Variants in SESTD1 observed in about 807,000 individuals in gnomAD.
SESTD1 encodes SEC14 domain and spectrin repeat-containing protein 1.
SESTD1 carries 43 observed loss-of-function variants against 101.7 expected under a neutral mutation model. The observed-to-expected ratio is 0.42, with a 90% CI of 0.33 to 0.55. The LOEUF is 0.55. SESTD1 is among the 20% of genes least tolerant of loss of function. SESTD1 has a pLI of 0.07. For synonymous variants in SESTD1, 283 were observed against 286.8 expected (o/e 0.99, Z 0.13); for missense variants, 647 against 815.1 (o/e 0.79, Z 2.51).
chr2:179,159,529 G>A (rs2045693776), intron 5 of SESTD1, among the ~76,000 whole-genome samples: 1 of 152,166 alleles, frequency 6.6e-6, no homozygotes, highest in Non-Finnish European at 1.5e-5. Flanking sequence ...AAACTGTGTA[G>A]AGATTTCTAG....
intron 17 of SESTD1, among the ~76,000 whole-genome samples, chr2:179,110,699 CAGG>C (rs1178684937): frequency 2.0e-5 from 3 of 151,966 alleles, no homozygotes; most frequent in African/African-American, 4.8e-5. Context: ...TTTATTTTAC[CAGG>C]AGAAGGTATA....
At position 179,239,454 on chromosome 2, in the gene SESTD1, T is replaced by G. The variant is rs539974786; in HGVS notation, c.-26+25045A>C. 6.9e-4 allele frequency among the ~76,000 whole-genome samples: 105 copies of G among 152,290 alleles called. 1 individual carries two copies. Among genetic ancestry groups the G allele is most frequent in the South Asian group, 2.1e-3 (10 of 4,832 alleles). ...AGTATAAAGTTAAAAGCTGCACAGC[T>G]GGAAGCATTCTGGGAAAGAACTTTA... is the stretch of plus-strand genomic sequence containing the variant. On this transcript the variant is annotated intron_variant, in intron 1 of 17. Transcript: ENST00000428443.
chr2:179,183,833 GGA>G (rs368416135), intron 2 of SESTD1, among the ~76,000 whole-genome samples: 60 of 141,324 alleles, frequency 4.2e-4, no homozygotes, highest in East Asian at 1.0e-3. Flanking sequence ...AGAAAAGAAA[GGA>G]GAGAGAGAGA....
chr2:179,199,564 C>A (rs1414837321), intron 1 of SESTD1, among the ~76,000 whole-genome samples: 1 of 152,120 alleles, frequency 6.6e-6, no homozygotes, highest in Non-Finnish European at 1.5e-5. Context: ...CAATAAAATA[C>A]TGGCAAACTG....
chr2:179,121,726 ATT>A (rs1378282978), intron 13 of SESTD1, 42 bp downstream of exon 13: 1 of 1,484,810 alleles, frequency 6.7e-7, no homozygotes, highest in Admixed American at 2.3e-5. Context: ...TTTAACTAAT[ATT>A]GTTATTATTT....
intron 2 of SESTD1, among the ~76,000 whole-genome samples, chr2:179,187,086 T>C (rs2046243510): frequency 6.6e-6 from 1 of 152,162 alleles, no homozygotes; most frequent in Non-Finnish European, 1.5e-5. Flanking sequence ...AGGGAATTCA[T>C]TACCACTAGA....
intron 12 of SESTD1, 80 bp downstream of exon 12, chr2:179,123,635 T>A: frequency 1.1e-6 from 1 of 896,722 alleles, no homozygotes; most frequent in Non-Finnish European, 1.7e-6. Context: ...TCAGTGTAAG[T>A]TGACTTAATT....
rs1245952886 is a variant in SESTD1, at chr2:179,203,048, C to G, written c.-25-11182G>C. ...AGAGGGGGTGGGGGAGATGTGGAGTCCTGATAAGTAAGCAACAACAAGGAA... is the reference window on the plus strand; with the variant it reads ...AGAGGGGGTGGGGGAGATGTGGAGTGCTGATAAGTAAGCAACAACAAGGAA... On this transcript the variant is annotated intron_variant, in intron 1 of 17. Coordinates refer to ENST00000428443, the MANE Select transcript of SESTD1 (RefSeq NM_178123.5). 2.2e-5 allele frequency among the ~76,000 whole-genome samples: 3 copies of G among 134,750 alleles called. 1 individual carries two copies. In the South Asian group the frequency reaches 8.5e-4, roughly 38 times the overall value. 88.4% of individuals were successfully genotyped at this position (134,750 alleles called of 152,430 possible).
intron 2 of SESTD1, among the ~76,000 whole-genome samples, chr2:179,187,740 A>G (rs1007856467): frequency 1.3e-5 from 2 of 152,204 alleles, no homozygotes; most frequent in Admixed American, 6.5e-5. Flanking sequence ...GGAAAGACCT[A>G]TTACACATAT....
intron 5 of SESTD1, among the ~76,000 whole-genome samples, chr2:179,157,606 T>C (rs1464271130): frequency 6.6e-6 from 1 of 152,190 alleles, no homozygotes; most frequent in Non-Finnish European, 1.5e-5. Flanking sequence ...TTCTGTTCCA[T>C]TGGTCTATGT....
intron 1 of SESTD1, among the ~76,000 whole-genome samples, chr2:179,254,042 G>A (rs573639577): frequency 1.3e-5 from 2 of 152,084 alleles, no homozygotes; most frequent in African/African-American, 4.8e-5. Context: ...TGAGGCTGCA[G>A]AGAACCCTGA....
rs2044341374 is a variant in SESTD1 at position 179,104,630 on chromosome 2, C to G, written c.*5269G>C. 6.6e-6 allele frequency: 1 copy of G among 152,056 alleles called. No individual in the cohort carries two copies. 9.4% of individuals were successfully genotyped at this position (152,056 alleles called of 1,614,324 possible). On this transcript the variant is annotated 3_prime_UTR_variant, in exon 18 of 18. Transcript: ENST00000428443. Reference sequence around the variant, plus strand: ...CTCCTGGAGATTCACTGGGAACTGGCTGGAGTTCAATAGCCCTTTTGTCAG... The same window carrying G: ...CTCCTGGAGATTCACTGGGAACTGGGTGGAGTTCAATAGCCCTTTTGTCAG...
At chr2:179,159,890 T>C (rs1294910362) in intron 5 of SESTD1, among the ~76,000 whole-genome samples, 2 of 152,228 alleles carry the variant, frequency 1.3e-5, no homozygotes, top group African/African-American at 4.8e-5. Context: ...GTTTTGCTCT[T>C]GTCACCCAGA....
intron 5 of SESTD1, among the ~76,000 whole-genome samples, chr2:179,156,594 CAT>C (rs1358583114): frequency 2.6e-5 from 4 of 152,108 alleles, no homozygotes; most frequent in Non-Finnish European, 5.9e-5. Flanking sequence ...AGCATTTTTT[CAT>C]ATGTTTGTTG....
intron 8 of SESTD1, among the ~76,000 whole-genome samples, chr2:179,145,594 G>C (rs2045377666): frequency 6.6e-6 from 1 of 152,212 alleles, no homozygotes. Flanking sequence ...ACTGCTACTA[G>C]AGATATTTGG....
chr2:179,172,841 C>T (rs1274579315), intron 4 of SESTD1, among the ~76,000 whole-genome samples: 1 of 152,148 alleles, frequency 6.6e-6, no homozygotes, highest in South Asian at 2.1e-4. Flanking sequence ...TTATCAAGTC[C>T]TATAGAGTCT....
intron 2 of SESTD1, among the ~76,000 whole-genome samples, chr2:179,189,329 T>A (rs1385667117): frequency 6.6e-6 from 1 of 152,112 alleles, no homozygotes; most frequent in African/African-American, 2.4e-5. Flanking sequence ...CATATGATCA[T>A]CTCAATAGAT....
chr2:179,137,776 T>G (rs1053546839), intron 9 of SESTD1, among the ~76,000 whole-genome samples: 1 of 152,202 alleles, frequency 6.6e-6, no homozygotes, highest in Admixed American at 6.5e-5. Context: ...TTGCATTGTT[T>G]TCAGTGATGA....
chr2:179,197,029 C>A (rs1159157833), intron 1 of SESTD1, among the ~76,000 whole-genome samples: 3 of 152,002 alleles, frequency 2.0e-5, no homozygotes, highest in Admixed American at 6.6e-5. Context: ...GGAGGACATG[C>A]AAACCAAAGG....
Sources: allele counts gnomAD v4.1 joint callset (sites outside exome capture counted in the v4.1 genomes callset), GRCh38; gene constraint gnomAD v4.1.1; transcripts MANE v1.5; gene names NCBI Gene and HGNC (gene_info 2026-07-23, HGNC 2026-07-21).